The following NR2C2 variants were observed in gnomAD, a reference collection of about 807,000 sequenced individuals.
NR2C2 encodes the protein Nuclear hormone receptor TR4.
NR2C2 carries 6 observed loss-of-function variants against 62.9 expected under a neutral mutation model. The ratio of observed to expected loss-of-function variants is 0.10; its 90% CI spans 0.05 to 0.19. NR2C2 has a LOEUF of 0.19. Ranked by LOEUF, NR2C2 falls within the 10% of genes least tolerant of loss-of-function variation. The pLI is 1.00. For missense variants in NR2C2, 479 were observed against 762.7 expected, an observed-to-expected ratio of 0.63 and a Z score of 4.38; for synonymous variants, 272 against 273.8, an observed-to-expected ratio of 0.99 and a Z score of 0.07.
intron 1 of NR2C2, among the ~76,000 whole-genome samples, chr3:14,995,691 G>GTGTGTGTGTGTGTGTGTGTA (rs1179128647): frequency 6.6e-6 from 1 of 151,914 alleles, no homozygotes; most frequent in African/African-American, 2.4e-5. Context: ...GTGTGTGTGT[G>GTGTGTGTGTGTGTGTGTGTA]TACACCTAAG....
rs187625871 is a variant in NR2C2, at chr3:14,956,422, G to A, written c.-40+8516G>A. Among the ~76,000 whole-genome samples, 37 of 152,184 alleles carry A rather than the reference G, an allele frequency of 2.4e-4. 1 individual carries two copies. The East Asian group carries it at 7.1e-3, about 29-fold the overall frequency. ...AGTAGTATTTTGCAAGTAGTTATTA[G>A]GTATTGGTTTATTTTTAAATATTTG... On this transcript the variant is annotated intron_variant, in intron 1 of 13. Transcript: ENST00000425241.
At chr3:14,960,885 G>A (rs184081927) in intron 1 of NR2C2, among the ~76,000 whole-genome samples, 2 of 152,208 alleles carry the variant, frequency 1.3e-5, no homozygotes, top group South Asian at 2.1e-4. Context: ...ACTTAAAGAC[G>A]CCTTTTCCTT....
chr3:14,965,639 T>TG (rs1480478801), intron 1 of NR2C2, among the ~76,000 whole-genome samples: 9 of 129,628 alleles, frequency 6.9e-5, no homozygotes, highest in Admixed American at 1.5e-4. Context: ...ATTTCCTTGC[T>TG]GTTTTTTTTG....
Position 15,042,985 on chromosome 3 carries a change from C to G in NR2C2, c.1768C>G (p.Gln590Glu), listed in dbSNP as rs775685374. 2.5e-6 allele frequency: 4 copies of G among 1,614,056 alleles called. No homozygotes were observed. In the East Asian group the frequency reaches 8.9e-5, roughly 36 times the overall value. Reference sequence around the variant, plus strand: ...GATGGAGACAGCAGAGTATAATGGCCAGATCACCGGAGCCAGTCTATAGCG... The same window carrying G: ...GATGGAGACAGCAGAGTATAATGGCGAGATCACCGGAGCCAGTCTATAGCG... ...LKMETAEYNG[Q>E]ITGASL The change falls in exon 14 of 14, where the codon CAG (glutamine) becomes GAG (glutamate). Residue 590 changes from glutamine to glutamate, a missense_variant. This residue lies in a region of NR2C2 where 162 missense variants were observed against 296.8 expected (regional missense o/e 0.55). Transcript: ENST00000425241.
At chr3:15,027,333 T>A (rs188193148) in intron 7 of NR2C2, among the ~76,000 whole-genome samples, 1 of 152,358 alleles carries the variant, frequency 6.6e-6, no homozygotes, top group East Asian at 1.9e-4. Flanking sequence ...TACCACATTT[T>A]ATTTATCCAT....
intron 1 of NR2C2, among the ~76,000 whole-genome samples, chr3:14,982,191 A>G (rs1399220126): frequency 1.3e-5 from 2 of 152,074 alleles, no homozygotes. Context: ...CACCCTTCCA[A>G]GTAGCTAGGA....
intron 1 of NR2C2, among the ~76,000 whole-genome samples, chr3:14,982,097 C>T (rs566811454): frequency 1.3e-5 from 2 of 152,268 alleles, no homozygotes; most frequent in African/African-American, 4.8e-5. Context: ...ATATCAACAT[C>T]ACACTGTCGC....
intron 1 of NR2C2, among the ~76,000 whole-genome samples, chr3:14,996,965 C>T (rs2040851253): frequency 6.6e-6 from 1 of 152,194 alleles, no homozygotes; most frequent in Non-Finnish European, 1.5e-5. Flanking sequence ...GGCTTTAAAA[C>T]TTCTTGCAAA....
chr3:14,984,333 C>T (rs995155767), intron 1 of NR2C2, among the ~76,000 whole-genome samples: 2 of 151,748 alleles, frequency 1.3e-5, no homozygotes, highest in Non-Finnish European at 2.9e-5. Context: ...TATTTTCTTC[C>T]TTCTACTTTC....
intron 3 of NR2C2, among the ~76,000 whole-genome samples, 193 bp downstream of exon 3, chr3:15,013,982 T>C (rs533820444): frequency 6.6e-6 from 1 of 152,234 alleles, no homozygotes; most frequent in South Asian, 2.1e-4. Flanking sequence ...GACAGTCAAC[T>C]ATAACACTCA....
At chr3:14,970,114 C>T (rs1366963683) in intron 1 of NR2C2, among the ~76,000 whole-genome samples, 1 of 152,064 alleles carries the variant, frequency 6.6e-6, no homozygotes, top group Non-Finnish European at 1.5e-5. Context: ...CAGAAAACAG[C>T]AGGTTTCTGA....
chr3:15,039,201 G>A lies in NR2C2; in HGVS notation c.1590G>A (p.Gln530=), dbSNP rs140480023. 43 of 1,613,894 alleles carry A rather than the reference G, an allele frequency of 2.7e-5. No homozygotes were observed. In the African/African-American group the frequency reaches 5.5e-4, roughly 21 times the overall value. ...AGATGGAGTTGCAGGACTATGTTCA[G>A]AAAACCTACTCAGAAGACACCTACC... The part of the protein sequence containing the change: ...KAQMELQDYV[Q]KTYSEDTYRL... The change falls in exon 13 of 14, where the codon CAG becomes CAA. Residue 530 remains glutamine (Q), a synonymous_variant. Coordinates refer to ENST00000425241, the MANE Select transcript of NR2C2 (RefSeq NM_001291694.2).
At chr3:15,021,216 A>G (rs188431432) in intron 5 of NR2C2, among the ~76,000 whole-genome samples, 12 of 152,250 alleles carry the variant, frequency 7.9e-5, no homozygotes, top group African/African-American at 2.9e-4. Flanking sequence ...CTGATACCAA[A>G]TCTACCTCCA....
At position 15,043,058 on chromosome 3, in the gene NR2C2, CACAT is replaced by C. The variant is rs568594021; in HGVS notation, c.*54_*57del. 265 of 1,523,348 alleles carry C rather than the reference CACAT, an allele frequency of 1.7e-4. No individual in the cohort carries two copies. Among genetic ancestry groups the C allele is most frequent in the Non-Finnish European group, 2.2e-4 (250 of 1,128,334 alleles). The allele number at this position is 1,523,348 out of a possible 1,614,324, so 94.4% of individuals were successfully genotyped here. The stretch of plus-strand genomic sequence containing the variant: ...GCAACAGAATCCTTCCAGGACCGTT[CACAT>C]ACAAAGAAAAGTAGTGGTATTTTGG... On this transcript the variant is annotated 3_prime_UTR_variant, in exon 14 of 14. Transcript: ENST00000425241.
intron 10 of NR2C2, among the ~76,000 whole-genome samples, chr3:15,033,944 G>T (rs762613087): frequency 1.3e-5 from 2 of 152,222 alleles, no homozygotes; most frequent in Admixed American, 1.3e-4. Context: ...GAATGACCCA[G>T]TGCAGTAGCC....
At chr3:14,970,396 C>T (rs1397271796) in intron 1 of NR2C2, among the ~76,000 whole-genome samples, 1 of 152,122 alleles carries the variant, frequency 6.6e-6, no homozygotes, top group African/African-American at 2.4e-5. Flanking sequence ...GTACTGGTCA[C>T]ATTGTTCTGT....
At chr3:14,989,781 A>G (rs2040614801) in intron 1 of NR2C2, among the ~76,000 whole-genome samples, 1 of 151,662 alleles carries the variant, frequency 6.6e-6, no homozygotes, top group Non-Finnish European at 1.5e-5. Flanking sequence ...AAAAATACAA[A>G]ATTAGCAGGG....
chr3:15,016,849 A>C (rs1351027253), intron 4 of NR2C2, among the ~76,000 whole-genome samples: 3 of 152,188 alleles, frequency 2.0e-5, no homozygotes, highest in Admixed American at 6.5e-5. Context: ...CTTGAGAGAG[A>C]GCTCATAGGC....
In NR2C2 at chr3:15,028,570, AT is replaced by A; in HGVS notation, c.799-10del. The A allele has an allele frequency of 6.2e-7, 1 of 1,605,514 alleles. No homozygotes were observed. The highest frequency in any genetic ancestry group is 8.5e-7 in the Non-Finnish European group (1 of 1,173,238). On this transcript the variant is annotated splice_polypyrimidine_tract_variant and intron_variant, in intron 7 of 13. Transcript: ENST00000425241. Reference sequence around the variant, plus strand: ...ATCTGTGTTCATTTTTAATGTCAGTATTTTTTGTTTAATAGGCTGAAACAAG... The same window carrying A: ...ATCTGTGTTCATTTTTAATGTCAGTATTTTTGTTTAATAGGCTGAAACAAG...
Sources: gnomAD v4.1 joint callset for allele counts (sites outside exome capture counted in the v4.1 genomes callset) on GRCh38, gnomAD v4.1.1 for gene constraint, gnomAD v4.1.1 regional missense constraint, MANE v1.5 for transcripts, NCBI Gene and HGNC (gene_info 2026-07-23, HGNC 2026-07-21) for gene names.